Variants in LPIN2 observed in about 807,000 individuals in gnomAD.
The protein encoded by LPIN2 is phosphatidate phosphatase LPIN2.
LPIN2 carries 55 observed loss-of-function variants against 111.4 expected under a neutral mutation model. That is an observed-to-expected ratio of 0.49 (90% CI 0.40 to 0.62). The LOEUF is 0.62. LPIN2 is among the 20% of genes least tolerant of loss of function. The probability of loss-of-function intolerance (pLI) is 0.00; values close to 1 mark genes in which losing one functional copy is unlikely to be tolerated. For synonymous variants in LPIN2, 425 were observed against 414.0 expected (o/e 1.03, Z -0.32); for missense variants, 992 against 1,112.1 (o/e 0.89, Z 1.54).
At chr18:3,009,280 T>C (rs371989254) in intron 1 of LPIN2, among the ~76,000 whole-genome samples, 1 of 151,418 alleles carries the variant, frequency 6.6e-6, no homozygotes, top group East Asian at 2.0e-4. Context: ...GTGCCTGTAG[T>C]CCCAGCTACT....
intron 1 of LPIN2, among the ~76,000 whole-genome samples, chr18:3,003,887 T>G (rs779496796): frequency 2.0e-5 from 3 of 152,190 alleles, no homozygotes; most frequent in Non-Finnish European, 4.4e-5. Flanking sequence ...AGCCTATAAA[T>G]GAACGTGTAA....
intron 1 of LPIN2, among the ~76,000 whole-genome samples, chr18:2,966,775 G>A (rs985360299): frequency 4.6e-5 from 7 of 152,278 alleles, no homozygotes; most frequent in Middle Eastern, 3.4e-3. Context: ...CCCTCCCGCT[G>A]GACCATGGTC....
intron 1 of LPIN2, among the ~76,000 whole-genome samples, chr18:2,975,556 A>T (rs1019195430): frequency 6.6e-6 from 1 of 152,040 alleles, no homozygotes; most frequent in African/African-American, 2.4e-5. Context: ...CTGGTCTCGA[A>T]CTCCTCACCT....
Position 2,937,819 on chromosome 18 carries a change from T to C in LPIN2, c.1041A>G (p.Glu347=). The C allele has an allele frequency of 6.2e-7, 1 of 1,613,994 alleles. No homozygotes were observed. Among genetic ancestry groups the C allele is most frequent in the Non-Finnish European group, 8.5e-7 (1 of 1,180,002 alleles). ...AAATCTGAGTACTCTCAAGAGGAGG[T>C]TCGAGAAGCTCTGCCACAGATGTTG... ...SDPTSVAELL[E]PPLESTQISS... The change falls in exon 7 of 20, where the codon GAA becomes GAG. Residue 347 remains glutamate, a synonymous_variant. Transcript: ENST00000677752.
chr18:2,995,081 T>C (rs2078321574), intron 1 of LPIN2, among the ~76,000 whole-genome samples: 1 of 152,142 alleles, frequency 6.6e-6, no homozygotes, highest in Non-Finnish European at 1.5e-5. Flanking sequence ...ACCTGTCAGG[T>C]AGGACTGCTG....
Position 2,920,001 on chromosome 18 carries a change from A to T in LPIN2, c.*292T>A, listed in dbSNP as rs2077028433. 2.0e-6 allele frequency: 1 copy of T among 509,464 alleles called. No individual in the cohort carries two copies. The highest frequency in any genetic ancestry group is 2.1e-5 in the South Asian group (1 of 47,684). The allele number at this position is 509,464 out of a possible 1,614,324, so 31.6% of individuals were successfully genotyped here. Reference sequence around the variant, plus strand: ...CTTTTTTCTTCCTTTAAAATGATGCAATGGAAGGAGGCCCCAGCTCACAGC... The same window carrying T: ...CTTTTTTCTTCCTTTAAAATGATGCTATGGAAGGAGGCCCCAGCTCACAGC... On this transcript the variant is annotated 3_prime_UTR_variant, in exon 20 of 20. Coordinates refer to ENST00000677752, the MANE Select transcript of LPIN2 (RefSeq NM_001375808.2).
At chr18:3,004,639 A>G (rs535832119) in intron 1 of LPIN2, among the ~76,000 whole-genome samples, 3 of 152,318 alleles carry the variant, frequency 2.0e-5, no homozygotes, top group East Asian at 3.9e-4. Flanking sequence ...ATCCTTGAAG[A>G]AGGCACCATG....
chr18:2,996,063 G>A lies in LPIN2; in HGVS notation c.-10+17024C>T, dbSNP rs189209227. Among the ~76,000 whole-genome samples, 106 of 152,190 alleles carry A rather than the reference G, an allele frequency of 7.0e-4. 1 individual carries two copies. Among genetic ancestry groups the A allele is most frequent in the African/African-American group, 2.2e-3 (93 of 41,528 alleles). On this transcript the variant is annotated intron_variant, in intron 1 of 19. Coordinates refer to ENST00000677752, the MANE Select transcript of LPIN2 (RefSeq NM_001375808.2). ...GACTTATTAATAAAATGTTACGGCC[G>A]GGCGCTGTGGCTCACACCTATAATC... is the stretch of plus-strand genomic sequence containing the variant.
intron 12 of LPIN2, among the ~76,000 whole-genome samples, 189 bp downstream of exon 12, chr18:2,927,533 G>C (rs2077152007): frequency 6.6e-6 from 1 of 152,208 alleles, no homozygotes; most frequent in South Asian, 2.1e-4. Flanking sequence ...AACATCTCTA[G>C]TGCTGAGCTA....
intron 1 of LPIN2, among the ~76,000 whole-genome samples, chr18:2,978,258 G>A (rs1380276458): frequency 2.0e-5 from 3 of 151,996 alleles, no homozygotes; most frequent in Non-Finnish European, 4.4e-5. Flanking sequence ...TATTCTCAAA[G>A]TATTTTCCCC....
intron 15 of LPIN2, 79 bp downstream of exon 15, chr18:2,924,319 G>T: frequency 6.3e-7 from 1 of 1,578,972 alleles, no homozygotes; most frequent in Non-Finnish European, 8.7e-7. Context: ...CCCAGGTGAG[G>T]AACTCCCCAC....
intron 3 of LPIN2, among the ~76,000 whole-genome samples, chr18:2,953,528 A>ACT: frequency 6.6e-6 from 1 of 152,240 alleles, no homozygotes; most frequent in African/African-American, 2.4e-5. Context: ...CATAAATCAT[A>ACT]GTGTTTCAAT....
intron 1 of LPIN2, among the ~76,000 whole-genome samples, chr18:2,974,361 G>T (rs906536541): frequency 1.1e-4 from 17 of 152,236 alleles, no homozygotes; most frequent in African/African-American, 3.9e-4. Context: ...TAACAGGCGT[G>T]AGCCACCGCG....
intron 6 of LPIN2, among the ~76,000 whole-genome samples, chr18:2,938,761 A>G (rs1237062306): frequency 6.6e-6 from 1 of 152,246 alleles, no homozygotes; most frequent in Non-Finnish European, 1.5e-5. Flanking sequence ...TAAATTCAAC[A>G]GAAGATCTAA....
chr18:2,948,684 A>G (rs556563566), intron 4 of LPIN2, among the ~76,000 whole-genome samples: 3 of 152,218 alleles, frequency 2.0e-5, no homozygotes, highest in Non-Finnish European at 4.4e-5. Flanking sequence ...TTCTGGGAGC[A>G]TTACAAGGCT....
At chr18:2,981,145 T>G (rs1441260084) in intron 1 of LPIN2, among the ~76,000 whole-genome samples, 1 of 152,164 alleles carries the variant, frequency 6.6e-6, no homozygotes, top group Non-Finnish European at 1.5e-5. Context: ...CTTTCAAAAC[T>G]GAAACTGTCA....
At chr18:2,946,878 A>G in intron 4 of LPIN2, 1 of 320,576 alleles carries the variant, frequency 3.1e-6, no homozygotes, top group Non-Finnish European at 6.0e-6. Flanking sequence ...TGGCATTTGG[A>G]TACAGAGCAT....
rs1001351587 is a variant in LPIN2, at chr18:2,945,519, C to T, written c.591-4807G>A. The T allele has an allele frequency of 2.1e-5, 24 of 1,120,402 alleles. No individual in the cohort carries two copies. In the East Asian group the frequency reaches 2.6e-4, roughly 12 times the overall value. The allele number at this position is 1,120,402 out of a possible 1,614,324, so 69.4% of individuals were successfully genotyped here. On this transcript the variant is annotated intron_variant, in intron 4 of 19. Coordinates refer to ENST00000677752, the MANE Select transcript of LPIN2 (RefSeq NM_001375808.2). ...ACACAGTATTAAAAATTCTGAAATA[C>T]GTAATAGCCTTCCTCCCATCTCCCA...
intron 4 of LPIN2, chr18:2,950,712 G>A (rs904621165): frequency 1.4e-5 from 5 of 355,654 alleles, no homozygotes; most frequent in Middle Eastern, 8.6e-4. Context: ...TAAGGCCACT[G>A]GGTAGGGAAA....
Sources: gnomAD v4.1 joint callset for allele counts (sites outside exome capture counted in the v4.1 genomes callset) on GRCh38, gnomAD v4.1.1 for gene constraint, MANE v1.5 for transcripts, NCBI Gene and HGNC (gene_info 2026-07-23, HGNC 2026-07-21) for gene names.